GRM8: variants seen among roughly 807,000 people sequenced by gnomAD.
GRM8 encodes the protein metabotropic glutamate receptor 8.
GRM8 carries 47 observed loss-of-function variants against 87.2 expected under a neutral mutation model. The ratio of observed to expected loss-of-function variants is 0.54; its 90% CI spans 0.43 to 0.69. GRM8 has a LOEUF of 0.69. Among genes scored for constraint, GRM8 ranks in the 30% least tolerant of loss-of-function variants. The pLI, the probability that GRM8 is intolerant of heterozygous loss-of-function variation, is 0.00. For missense variants in GRM8, 1,019 were observed against 1,139.2 expected (o/e 0.89, Z 1.52); for synonymous variants, 396 against 404.5 (o/e 0.98, Z 0.25).
At chr7:126,843,724 C>A (rs768005170) in intron 6 of GRM8, among the ~76,000 whole-genome samples, 4 of 152,204 alleles carry the variant, frequency 2.6e-5, no homozygotes, top group Non-Finnish European at 5.9e-5. Context: ...AAAAAGGAGT[C>A]AATATTTCTG....
chr7:127,027,653 A>C (rs934362103), intron 3 of GRM8, among the ~76,000 whole-genome samples: 1 of 152,138 alleles, frequency 6.6e-6, no homozygotes, highest in African/African-American at 2.4e-5. Context: ...GGTTTATAGG[A>C]GTGCTTGTGA....
intron 8 of GRM8, among the ~76,000 whole-genome samples, chr7:126,601,246 AC>A (rs1010564883): frequency 6.6e-6 from 1 of 151,982 alleles, no homozygotes; most frequent in African/African-American, 2.4e-5. Context: ...CCATGTCCCT[AC>A]AAACGACATG....
intron 7 of GRM8, among the ~76,000 whole-genome samples, chr7:126,656,427 C>T (rs912684247): frequency 6.6e-6 from 1 of 152,138 alleles, no homozygotes; most frequent in African/African-American, 2.4e-5. Context: ...TCCTGTAAAC[C>T]TAGCACTTTG....
At chr7:126,604,524 T>G (rs1400324146) in intron 8 of GRM8, among the ~76,000 whole-genome samples, 1 of 152,162 alleles carries the variant, frequency 6.6e-6, no homozygotes, top group Non-Finnish European at 1.5e-5. Flanking sequence ...CGTTCAATAC[T>G]TAATATGTAC....
chr7:127,221,562 T>C (rs1417493038), intron 2 of GRM8, among the ~76,000 whole-genome samples: 5 of 152,234 alleles, frequency 3.3e-5, no homozygotes, highest in East Asian at 1.9e-4. Context: ...CCTGCTATGA[T>C]TGATGCTTCA....
chr7:126,475,780 G>A (rs1366330347), intron 9 of GRM8, among the ~76,000 whole-genome samples: 3 of 151,934 alleles, frequency 2.0e-5, no homozygotes, highest in African/African-American at 7.2e-5. Flanking sequence ...ATAGACCAAT[G>A]GAACACAATA....
intron 2 of GRM8, among the ~76,000 whole-genome samples, chr7:127,236,639 G>C (rs2116843591): frequency 6.6e-6 from 1 of 152,142 alleles, no homozygotes; most frequent in African/African-American, 2.4e-5. Flanking sequence ...GGGATTATAG[G>C]GATTACATTT....
chr7:127,059,331 C>CTTTTTTTTTTTTTTTT (rs10618329), intron 3 of GRM8, among the ~76,000 whole-genome samples: 3 of 130,592 alleles, frequency 2.3e-5, no homozygotes, highest in African/African-American at 2.8e-5. Flanking sequence ...TTTTTTTTTG[C>CTTTTTTTTTTTTTTTT]TTTTTTTTTT....
intron 2 of GRM8, among the ~76,000 whole-genome samples, chr7:127,222,504 T>C (rs6979840): frequency 0.037 from 5,694 of 152,312 alleles, 330 homozygotes; most frequent in African/African-American, 0.13. Flanking sequence ...TTCTAACTGA[T>C]GTTCTTATCT....
At chr7:127,251,991 C>T (rs1251866397) in intron 1 of GRM8, 1 of 152,242 alleles carries the variant, frequency 6.6e-6, no homozygotes, top group Non-Finnish European at 1.5e-5. Flanking sequence ...GCCCGGCTTC[C>T]CCCGCGACCC....
intron 3 of GRM8, among the ~76,000 whole-genome samples, chr7:127,078,951 G>T (rs1822567627): frequency 6.6e-6 from 1 of 152,128 alleles, no homozygotes; most frequent in Admixed American, 6.5e-5. Context: ...ATAAGGAAAA[G>T]GATGTATGAA....
intron 3 of GRM8, among the ~76,000 whole-genome samples, chr7:126,992,829 A>G (rs17862251): frequency 0.035 from 4,859 of 137,556 alleles, 218 homozygotes; most frequent in African/African-American, 0.11. Context: ...GTGTGTGTGT[A>G]TGTGTGTGTG....
intron 9 of GRM8, among the ~76,000 whole-genome samples, chr7:126,519,390 A>G (rs1265703932): frequency 6.6e-6 from 1 of 152,138 alleles, no homozygotes; most frequent in East Asian, 1.9e-4. Context: ...TGAAAGTGGT[A>G]TTAATAAAGT....
At chr7:126,610,443 C>A (rs1183859198) in intron 7 of GRM8, among the ~76,000 whole-genome samples, 1 of 152,120 alleles carries the variant, frequency 6.6e-6, no homozygotes, top group Non-Finnish European at 1.5e-5. Context: ...CCTCTGCAGG[C>A]CTTTTATCTG....
chr7:127,216,514 T>G (rs1796548146), intron 2 of GRM8, among the ~76,000 whole-genome samples: 2 of 73,934 alleles, frequency 2.7e-5, no homozygotes, highest in African/African-American at 5.7e-5. Flanking sequence ...CGAGACTCCG[T>G]CTCAAAAAAA....
intron 6 of GRM8, among the ~76,000 whole-genome samples, chr7:126,825,681 A>G (rs1360214520): frequency 1.3e-5 from 2 of 152,200 alleles, no homozygotes; most frequent in Non-Finnish European, 2.9e-5. Context: ...TTACAATATG[A>G]AAAACCTAAA....
chr7:127,002,829 C>T (rs781515505), intron 3 of GRM8, among the ~76,000 whole-genome samples: 3 of 151,630 alleles, frequency 2.0e-5, no homozygotes, highest in Non-Finnish European at 4.4e-5. Context: ...TGCAGTTTTT[C>T]TATGTTGTTT....
At chr7:126,516,952 G>A (rs1173288436) in intron 9 of GRM8, among the ~76,000 whole-genome samples, 3 of 151,602 alleles carry the variant, frequency 2.0e-5, no homozygotes, top group African/African-American at 7.3e-5. Flanking sequence ...AGAGTGTGGA[G>A]AATAGAAAAA....
intron 5 of GRM8, 76 bp from the exon 6 acceptor site, chr7:126,902,755 A>G (rs1802227642): frequency 3.8e-6 from 4 of 1,046,246 alleles, no homozygotes; most frequent in Middle Eastern, 2.1e-4. Flanking sequence ...AATGGACATT[A>G]TATTCTGATC....
Sources: allele counts gnomAD v4.1 joint callset (sites outside exome capture counted in the v4.1 genomes callset), GRCh38; gene constraint gnomAD v4.1.1; transcripts MANE v1.5; gene names NCBI Gene and HGNC (gene_info 2026-07-23, HGNC 2026-07-21).